The following MOSPD2 variants were observed in gnomAD, a reference collection of about 807,000 sequenced individuals.
The protein encoded by MOSPD2 is motile sperm domain-containing protein 2.
MOSPD2 carries 5 observed loss-of-function variants against 41.7 expected under a neutral mutation model. The ratio of observed to expected loss-of-function variants is 0.12; its 90% CI spans 0.06 to 0.25. The LOEUF (loss-of-function observed/expected upper bound fraction) is 0.25, where lower values mean the gene tolerates loss of function less well. Among genes scored for constraint, MOSPD2 ranks in the 10% least tolerant of loss-of-function variants. The pLI, the probability that MOSPD2 is intolerant of heterozygous loss-of-function variation, is 1.00. For synonymous variants in MOSPD2, 115 were observed against 126.9 expected, an observed-to-expected ratio of 0.91 and a Z score of 0.63; for missense variants, 282 against 375.2, an observed-to-expected ratio of 0.75 and a Z score of 2.05.
chrX:14,911,591 T>C (rs1208577570), intron 9 of MOSPD2, among the ~76,000 whole-genome samples, 178 bp downstream of exon 9: 1 of 112,154 alleles, frequency 8.9e-6, no homozygotes, highest in Non-Finnish European at 1.9e-5. Flanking sequence ...TTTAGTGTAT[T>C]TAAGTCTGAT....
intron 7 of MOSPD2, 98 bp from the exon 8 acceptor site, chrX:14,908,762 C>T (rs1003325361): frequency 1.2e-6 from 1 of 800,695 alleles, no homozygotes; most frequent in African/African-American, 2.1e-5. Flanking sequence ...CAGATTATAG[C>T]CCAAACTGAT....
At chrX:14,893,845 T>G (rs143590946) in intron 3 of MOSPD2, among the ~76,000 whole-genome samples, 284 of 112,923 alleles carry the variant, frequency 2.5e-3, no homozygotes, top group Middle Eastern at 0.018. Context: ...TTTAAACGAT[T>G]TAAGTACTGA....
chrX:14,899,931 A>G (rs764872822), intron 5 of MOSPD2, among the ~76,000 whole-genome samples: 19 of 111,349 alleles, frequency 1.7e-4, no homozygotes, highest in African/African-American at 6.2e-4. Flanking sequence ...CCAGATAGCT[A>G]TGTTTGTAGT....
In MOSPD2 at chrX:14,920,448, T is replaced by C. The variant is rs1229862752; in HGVS notation, c.*639T>C. The C allele has an allele frequency of 1.7e-5, 13 of 752,893 alleles. No homozygotes were observed. The highest frequency in any genetic ancestry group is 2.0e-5 in the Non-Finnish European group (13 of 639,073). 62.0% of individuals were successfully genotyped at this position (752,893 alleles called of 1,213,427 possible). On this transcript the variant is annotated 3_prime_UTR_variant, in exon 15 of 15. Transcript: ENST00000380492. ...AGCCTGCCTTTTATTAATCTCAGGC[T>C]TTTTTATGAACACTCTCATTTCAGT...
chrX:14,916,886 T>C (rs2092601142), intron 13 of MOSPD2, among the ~76,000 whole-genome samples: 1 of 112,430 alleles, frequency 8.9e-6, no homozygotes, highest in South Asian at 3.7e-4. Context: ...TGCATGTATA[T>C]AGATATATCA....
At chrX:14,896,324 C>T (rs2092563173) in intron 4 of MOSPD2, among the ~76,000 whole-genome samples, 1 of 111,319 alleles carries the variant, frequency 9.0e-6, no homozygotes, top group South Asian at 3.7e-4. Context: ...TGTCCACTTG[C>T]TCACTTTCTG....
At chrX:14,891,004 G>C (rs1195134821) in intron 2 of MOSPD2, among the ~76,000 whole-genome samples, 1 of 112,242 alleles carries the variant, frequency 8.9e-6, no homozygotes, top group Non-Finnish European at 1.9e-5. Context: ...TTTATGGAAG[G>C]CCTTTTCATT....
chrX:14,895,429 G>A, intron 4 of MOSPD2, 35 bp downstream of exon 4: 1 of 817,007 alleles, frequency 1.2e-6, no homozygotes, highest in Non-Finnish European at 1.8e-6. Flanking sequence ...GGCTTTTCAA[G>A]ATTTTGAGAT....
Position 14,892,789 on chromosome X carries a change from G to C in MOSPD2, c.146G>C (p.Ser49Thr), listed in dbSNP as rs1355537127. 4 of 1,200,336 alleles carry C rather than the reference G, an allele frequency of 3.3e-6. No homozygotes were observed. The highest frequency in any genetic ancestry group is 4.5e-6 in the Non-Finnish European group (4 of 886,459). ...RLQQDDNWVE[S>T]YLSWRHNIVD... ...CAACAAGATGATAACTGGGTTGAAA[G>C]TTACTTATCTTGGAGACATAATATT... The change falls in exon 3 of 15, where the codon AGT (serine) becomes ACT (threonine). Residue 49 changes from serine (S) to threonine (T), a missense_variant. Physicochemically the swap from Ser to Thr is moderately conservative, Grantham distance 58. Transcript: ENST00000380492.
chrX:14,876,680 G>C (rs1037439983), intron 2 of MOSPD2, among the ~76,000 whole-genome samples: 1 of 111,567 alleles, frequency 9.0e-6, no homozygotes, highest in Non-Finnish European at 1.9e-5. Context: ...TAAGTTCCTT[G>C]AGTACTCTTT....
chrX:14,883,126 G>A (rs964330670), intron 2 of MOSPD2, among the ~76,000 whole-genome samples: 1 of 110,307 alleles, frequency 9.1e-6, no homozygotes, highest in Non-Finnish European at 1.9e-5. Flanking sequence ...CCCGGGAGGC[G>A]GAGGTTGCAG....
At chrX:14,879,294 C>A (rs1486798901) in intron 2 of MOSPD2, among the ~76,000 whole-genome samples, 1 of 111,697 alleles carries the variant, frequency 9.0e-6, no homozygotes, top group Admixed American at 9.5e-5. Flanking sequence ...TTGTCTTGGG[C>A]AGTGGTTCTC....
intron 2 of MOSPD2, 68 bp downstream of exon 2, chrX:14,873,826 G>GT (rs2092513084): frequency 1.3e-5 from 12 of 931,801 alleles, no homozygotes; most frequent in Non-Finnish European, 1.6e-5. Flanking sequence ...TGGAGTGTTT[G>GT]TGAGTGTATT....
intron 10 of MOSPD2, among the ~76,000 whole-genome samples, chrX:14,912,758 G>C (rs190218774): frequency 5.3e-5 from 6 of 112,256 alleles, no homozygotes; most frequent in African/African-American, 1.3e-4. Flanking sequence ...AAATAGGTTT[G>C]TGACTAAAGC....
At chrX:14,890,800 A>G (rs1001114371) in intron 2 of MOSPD2, among the ~76,000 whole-genome samples, 4 of 111,975 alleles carry the variant, frequency 3.6e-5, no homozygotes, top group Non-Finnish European at 5.6e-5. Flanking sequence ...GAAATAAGGC[A>G]GTGCAAATCA....
Position 14,916,208 on chromosome X carries a change from T to C in MOSPD2, c.1198T>C (p.Ser400Pro), listed in dbSNP as rs1413654251. 3 of 1,211,977 alleles carry C rather than the reference T, an allele frequency of 2.5e-6. No individual in the cohort carries two copies. Among genetic ancestry groups the C allele is most frequent in the Admixed American group, 4.3e-5 (2 of 46,062 alleles). Residue 400 changes from serine (S) to proline (P), a missense_variant, in exon 13 of 15, where the codon TCT becomes CCT. Around this residue, in one of 3 missense-constraint regions of MOSPD2, gnomAD observed 94 missense variants for 102.1 expected, o/e 0.92. Coordinates refer to ENST00000380492, the MANE Select transcript of MOSPD2 (RefSeq NM_152581.4). Reference sequence around the variant, plus strand: ...CTTTTGGAATGCAGGTTTAACAGTCTCTGCCCAAGACCGTTTTCTGATAAT... The same window carrying C: ...CTTTTGGAATGCAGGTTTAACAGTCCCTGCCCAAGACCGTTTTCTGATAAT... The part of the protein sequence containing the change: ...VVSPHGGLTV[S>P]AQDRFLIMAA...
At chrX:14,906,804 C>A (rs948649212) in intron 7 of MOSPD2, among the ~76,000 whole-genome samples, 6 of 111,781 alleles carry the variant, frequency 5.4e-5, no homozygotes, top group African/African-American at 1.6e-4. Flanking sequence ...GTGGGCAGAT[C>A]ACCTGAGGTC....
At chrX:14,880,450 C>T (rs1222853038) in intron 2 of MOSPD2, among the ~76,000 whole-genome samples, 3 of 111,173 alleles carry the variant, frequency 2.7e-5, no homozygotes, top group Non-Finnish European at 5.7e-5. Context: ...TCTAACTTTC[C>T]AATTCTTAAA....
At chrX:14,909,250 C>G (rs2092587512) in intron 8 of MOSPD2, among the ~76,000 whole-genome samples, 1 of 111,623 alleles carries the variant, frequency 9.0e-6, no homozygotes, top group African/African-American at 3.3e-5. Flanking sequence ...AATATCACCT[C>G]CTACTTCTGT....
Sources: allele counts gnomAD v4.1 joint callset (sites outside exome capture counted in the v4.1 genomes callset), GRCh38; gene constraint gnomAD v4.1.1; regional missense constraint gnomAD v4.1.1; transcripts MANE v1.5; gene names NCBI Gene and HGNC (gene_info 2026-07-23, HGNC 2026-07-21).